GC: variants seen among roughly 807,000 people sequenced by gnomAD.
The protein encoded by GC is vitamin D-binding protein.
Under a neutral mutation model 56.7 loss-of-function variants are expected in GC, and 43 were observed. That is an observed-to-expected ratio of 0.76 (90% confidence interval 0.59 to 0.98). The LOEUF (loss-of-function observed/expected upper bound fraction) is 0.98, where lower values mean the gene tolerates loss of function less well. Among genes scored for constraint, GC ranks in the 50% least tolerant of loss-of-function variants. The pLI, the probability that GC is intolerant of heterozygous loss-of-function variation, is 0.00. For missense variants in GC, 529 were observed against 545.9 expected (o/e 0.97, Z 0.31); for synonymous variants, 216 against 202.7 (o/e 1.07, Z -0.56).
At chr4:71,752,924 G>C (rs1244717893) in intron 10 of GC, among the ~76,000 whole-genome samples, 3 of 152,114 alleles carry the variant, frequency 2.0e-5, no homozygotes, top group African/African-American at 7.2e-5. Flanking sequence ...CAAAATGGAA[G>C]AGTACCTCTT....
chr4:71,763,935 A>AG lies in GC; in HGVS notation c.474_475insC (p.Phe159LeufsTer8). 6.2e-7 allele frequency: 1 copy of AG among 1,606,652 alleles called. No homozygotes were observed. On this transcript the variant is annotated frameshift_variant and splice_region_variant, in exon 5 of 13. Transcript: ENST00000273951. LOFTEE classifies it high-confidence loss of function. ...TAATTAGTGGAATATTCCCACATAA[A>AG]TCTGTGGAGGAAAAAATAGAATTGG...
At chr4:71,768,796 A>T (rs1020552529) in intron 2 of GC, among the ~76,000 whole-genome samples, 1 of 152,246 alleles carries the variant, frequency 6.6e-6, no homozygotes, top group African/African-American at 2.4e-5. Flanking sequence ...ATTTTGGCAC[A>T]TTAAAATATG....
At chr4:71,784,242 C>T, upstream of GC, 1 of 1,226,754 alleles carries the variant, frequency 8.2e-7, no homozygotes, top group African/African-American at 1.6e-5. Flanking sequence ...AAATAGACAC[C>T]CTGGGGATAC....
At chr4:71,789,089 T>C (rs556501483) in intron 1 of GC, among the ~76,000 whole-genome samples, 2 of 152,008 alleles carry the variant, frequency 1.3e-5, no homozygotes, top group South Asian at 2.1e-4. Context: ...AATTGTAGTA[T>C]ATTTTTGCAT....
chr4:71,754,903 C>A (rs1335970885), intron 9 of GC, 75 bp downstream of exon 9: 3 of 964,960 alleles, frequency 3.1e-6, no homozygotes, highest in Non-Finnish European at 4.6e-6. Context: ...AGGCAGTGAG[C>A]AAGTTTTGGC....
Position 71,767,732 on chromosome 4 carries a change from G to C in GC, c.261+569C>G, listed in dbSNP as rs113674003. Among the ~76,000 whole-genome samples, 192 of 151,602 alleles carry C rather than the reference G, an allele frequency of 1.3e-3. 2 individuals carry two copies. The highest frequency in any genetic ancestry group is 4.4e-3 in the African/African-American group (181 of 41,396). ...GGTTACATGGCTAAGTTCTTTAGGG[G>C]TGATTTCTGAGATTTTGGTGTACCT... On this transcript the variant is annotated intron_variant, in intron 3 of 12. Transcript: ENST00000273951.
intron 1 of GC, among the ~76,000 whole-genome samples, chr4:71,772,553 T>C (rs1742374183): frequency 6.6e-6 from 1 of 152,176 alleles, no homozygotes; most frequent in Non-Finnish European, 1.5e-5. Flanking sequence ...ATTAAATAGT[T>C]TGAATTTATT....
chr4:71,743,253 T>A (rs1044612230), intron 12 of GC, among the ~76,000 whole-genome samples: 1 of 152,086 alleles, frequency 6.6e-6, no homozygotes, highest in East Asian at 1.9e-4. Flanking sequence ...AATCTCTAAC[T>A]AGAGATGGGT....
chr4:71,789,543 G>T (rs1476479440), intron 1 of GC, among the ~76,000 whole-genome samples: 1 of 151,994 alleles, frequency 6.6e-6, no homozygotes, highest in Non-Finnish European at 1.5e-5. Context: ...TGATCTAATA[G>T]ATTCTCTATA....
intron 12 of GC, among the ~76,000 whole-genome samples, chr4:71,745,574 GAA>G (rs948918828): frequency 6.6e-6 from 1 of 152,140 alleles, no homozygotes; most frequent in Non-Finnish European, 1.5e-5. Flanking sequence ...AATCTGGAGA[GAA>G]AATATTGTTG....
intron 3 of GC, among the ~76,000 whole-genome samples, chr4:71,766,540 G>C (rs994177764): frequency 6.6e-6 from 1 of 152,082 alleles, no homozygotes; most frequent in Non-Finnish European, 1.5e-5. Context: ...ATTACTTTGG[G>C]ATTTATATGG....
intron 10 of GC, among the ~76,000 whole-genome samples, chr4:71,752,857 A>T (rs1384613918): frequency 6.6e-6 from 1 of 152,218 alleles, no homozygotes; most frequent in East Asian, 1.9e-4. Context: ...CATAAAAATA[A>T]ACATACAAAT....
chr4:71,747,129 A>AATG (rs1560688671), intron 11 of GC, among the ~76,000 whole-genome samples: 1 of 152,192 alleles, frequency 6.6e-6, no homozygotes, highest in Non-Finnish European at 1.5e-5. Context: ...GCAATGGGTA[A>AATG]ATGATGATAA....
At chr4:71,799,971 T>C (rs1486356235) in intron 1 of GC, among the ~76,000 whole-genome samples, 2 of 152,084 alleles carry the variant, frequency 1.3e-5, no homozygotes, top group African/African-American at 4.8e-5. Flanking sequence ...TTTGATGATA[T>C]CAGTGTTTGA....
chr4:71,801,800 G>C lies in GC; in HGVS notation c.21+2126C>G, dbSNP rs538117042. On this transcript the variant is annotated intron_variant, in intron 1 of 13. Coordinates refer to the GC transcript ENST00000504199. ...TTATTCTGAAATTTAAAAATAACTG[G>C]ATGTCACTTTTTAAATATTTCCACT... 1.8e-4 allele frequency among the ~76,000 whole-genome samples: 28 copies of C among 151,722 alleles called. No homozygotes were observed. In the South Asian group the frequency reaches 5.6e-3, roughly 30 times the overall value.
chr4:71,794,489 G>T (rs1578323849), intron 1 of GC, among the ~76,000 whole-genome samples: 1 of 152,070 alleles, frequency 6.6e-6, no homozygotes, highest in East Asian at 1.9e-4. Context: ...ATTTCTGTGG[G>T]ATTGGTGGTG....
chr4:71,773,907 A>AT (rs1331702227), intron 1 of GC, among the ~76,000 whole-genome samples: 1 of 151,962 alleles, frequency 6.6e-6, no homozygotes, highest in Non-Finnish European at 1.5e-5. Context: ...ATTTGTTAGT[A>AT]TTTTTTTAAA....
chr4:71,759,899 T>C (rs1339934904), intron 6 of GC, among the ~76,000 whole-genome samples: 1 of 152,296 alleles, frequency 6.6e-6, no homozygotes, highest in Non-Finnish European at 1.5e-5. Context: ...GTAATATATA[T>C]GGTGGCTTTA....
upstream of GC, chr4:71,784,114 T>C (rs1047216165): frequency 1.1e-5 from 16 of 1,508,072 alleles, 1 homozygote; most frequent in Admixed American, 2.3e-4. Context: ...TTACAAAGAT[T>C]CCTGACTATG....
Sources: gnomAD v4.1 joint callset for allele counts (sites outside exome capture counted in the v4.1 genomes callset) on GRCh38, gnomAD v4.1.1 for gene constraint, MANE v1.5 for transcripts, NCBI Gene and HGNC (gene_info 2026-07-23, HGNC 2026-07-21) for gene names.